The following RSPH4A variants were observed in gnomAD, a reference collection of about 807,000 sequenced individuals.
RSPH4A encodes radial spoke head component 4A.
In RSPH4A, 47 loss-of-function variants were observed where a neutral mutation model predicts 71.0. The observed-to-expected ratio is 0.66, with a 90% CI of 0.52 to 0.84. RSPH4A has a LOEUF of 0.84. Ranked by LOEUF, RSPH4A falls within the 40% of genes least tolerant of loss-of-function variation. The pLI, the probability that RSPH4A is intolerant of heterozygous loss-of-function variation, is 0.00. For synonymous variants in RSPH4A, 282 were observed against 302.3 expected (o/e 0.93, Z 0.70); for missense variants, 793 against 855.2 (o/e 0.93, Z 0.91).
chr6:116,624,253 G>T (rs768472052), intron 2 of RSPH4A, among the ~76,000 whole-genome samples: 6 of 152,164 alleles, frequency 3.9e-5, no homozygotes, highest in Non-Finnish European at 7.4e-5. Context: ...GTGTCAAGGA[G>T]TTGACATTAG....
At chr6:116,630,325 A>ATG in intron 4 of RSPH4A, 110 bp from the exon 5 acceptor site, 1 of 764,444 alleles carries the variant, frequency 1.3e-6, no homozygotes, top group Admixed American at 1.7e-5. Flanking sequence ...GTATGTGTGT[A>ATG]TCTGTGTGTG....
At position 116,616,739 on chromosome 6, in the gene RSPH4A, C is replaced by T. The variant is rs368110732; in HGVS notation, c.116C>T (p.Ser39Leu). The stretch of plus-strand genomic sequence containing the variant: ...TCTCCCCAATATTCTGAGCCTGAGT[C>T]GTCTGAGCCCTTGGAGGCGAAGCAG... ...AASPQYSEPE[S>L]SEPLEAKQGP... The change falls in exon 1 of 6, where the codon TCG becomes TTG. Residue 39 changes from serine to leucine, a missense_variant. Coordinates refer to ENST00000229554, the MANE Select transcript of RSPH4A (RefSeq NM_001010892.3). The T allele has an allele frequency of 1.1e-5, 17 of 1,613,608 alleles. No homozygotes were observed. The Admixed American group carries it at 2.8e-4, about 27-fold the overall frequency.
rs1248636409 is a variant in RSPH4A, at chr6:116,630,511, A to G, written c.1875A>G (p.Gln625=). ...CACAATATGCTATTGCAGTCCTTCA[A>G]TCCAACCTTTGGCCTGGAGCATATG... is the stretch of plus-strand genomic sequence containing the variant. ...LIPQYAIAVL[Q]SNLWPGAYAF... The change falls in exon 5 of 6, where the codon CAA becomes CAG. Residue 625 remains glutamine (Q), a synonymous_variant. Transcript: ENST00000229554. 6 of 1,610,094 alleles carry G rather than the reference A, an allele frequency of 3.7e-6. No individual in the cohort carries two copies. The African/African-American group carries it at 5.4e-5, about 14-fold the overall frequency.
intron 3 of RSPH4A, 104 bp downstream of exon 3, chr6:116,628,473 A>C: frequency 1.1e-6 from 1 of 886,468 alleles, no homozygotes; most frequent in East Asian, 2.4e-5. Flanking sequence ...TTTGGACTCT[A>C]TTTAATAGGC....
chr6:116,627,684 GA>G lies in RSPH4A; in HGVS notation c.978del (p.Val327LeufsTer38). 7 of 1,614,214 alleles carry G rather than the reference GA, an allele frequency of 4.3e-6. No individual in the cohort carries two copies. The highest frequency in any genetic ancestry group is 5.9e-6 in the Non-Finnish European group (7 of 1,180,044). ...MESAFYFEQA[G>X]VGLGTDETYR... ...TCAGCTTTTTATTTTGAACAAGCTGGAGTTGGTTTGGGCACAGATGAGACAT... is the reference window on the plus strand; with the variant it reads ...TCAGCTTTTTATTTTGAACAAGCTGGGTTGGTTTGGGCACAGATGAGACAT... On this transcript the variant is annotated frameshift_variant, in exon 3 of 6. Coordinates refer to ENST00000229554, the MANE Select transcript of RSPH4A (RefSeq NM_001010892.3). LOFTEE classifies it high-confidence loss of function.
intron 1 of RSPH4A, 110 bp downstream of exon 1, chr6:116,617,419 T>C: frequency 1.3e-6 from 1 of 779,038 alleles, no homozygotes; most frequent in East Asian, 2.5e-5. Context: ...TTTGAAAGAT[T>C]GTGTTAGTAA....
intron 1 of RSPH4A, among the ~76,000 whole-genome samples, chr6:116,617,905 C>T (rs1328384895): frequency 6.6e-6 from 1 of 152,196 alleles, no homozygotes; most frequent in Non-Finnish European, 1.5e-5. Context: ...CAATAGTCTA[C>T]ATATGTTCTG....
chr6:116,622,852 A>G lies in RSPH4A; in HGVS notation c.771A>G (p.Gln257=), dbSNP rs1562389892. 3.7e-6 allele frequency: 6 copies of G among 1,613,262 alleles called. No individual in the cohort carries two copies. The Middle Eastern group carries it at 5.0e-4, about 133-fold the overall frequency. Residue 257 remains glutamine (Q), a synonymous_variant, in exon 2 of 6, where the codon CAA becomes CAG. Transcript: ENST00000229554. Reference sequence around the variant, plus strand: ...TTGACATCTTTGAAAATATTAGCCAAGATGTGAAGATGGCACATTTTAGTA... The same window carrying G: ...TTGACATCTTTGAAAATATTAGCCAGGATGTGAAGATGGCACATTTTAGTA... The part of the protein sequence containing the change: ...NAVDIFENIS[Q]DVKMAHFSKK...
At position 116,617,093 on chromosome 6, in the gene RSPH4A, A is replaced by G. The variant is rs776466480; in HGVS notation, c.470A>G (p.Lys157Arg). ...GNTFQQSQQP[K>R]PHLCGRRDVS... is the part of the protein sequence containing the mutation. ...ACCTTTCAACAGTCTCAGCAACCCA[A>G]ACCCCACCTGTGTGGACGAAGGGAC... The change falls in exon 1 of 6, where the codon AAA becomes AGA. Residue 157 changes from lysine to arginine, a missense_variant. Transcript: ENST00000229554. 3 of 1,614,200 alleles carry G rather than the reference A, an allele frequency of 1.9e-6. No homozygotes were observed. The highest frequency in any genetic ancestry group is 2.5e-6 in the Non-Finnish European group (3 of 1,180,036).
chr6:116,619,586 G>C (rs1583347091), intron 1 of RSPH4A, among the ~76,000 whole-genome samples: 1 of 152,044 alleles, frequency 6.6e-6, no homozygotes, highest in Non-Finnish European at 1.5e-5. Flanking sequence ...CTACAATGTG[G>C]CAAATATTTG....
At chr6:116,619,140 C>T (rs1331497264) in intron 1 of RSPH4A, among the ~76,000 whole-genome samples, 2 of 152,112 alleles carry the variant, frequency 1.3e-5, no homozygotes, top group Non-Finnish European at 2.9e-5. Flanking sequence ...TCCCCTAAAC[C>T]TGTTCTCTTG....
rs748664881 is a variant in RSPH4A, at chr6:116,630,448, A to AC, written c.1818dup (p.Trp607LeufsTer36). On this transcript the variant is annotated frameshift_variant, in exon 5 of 6. Coordinates refer to ENST00000229554, the MANE Select transcript of RSPH4A (RefSeq NM_001010892.3). LOFTEE classifies it high-confidence loss of function. ...TTTGGGTTCCAGAGATTCAGAATATACCCCCCTGGACAACACGGTTATCCT... is the reference window on the plus strand; with the variant it reads ...TTTGGGTTCCAGAGATTCAGAATATACCCCCCCTGGACAACACGGTTATCCT... The AC allele has an allele frequency of 1.9e-6, 3 of 1,585,176 alleles. No homozygotes were observed. Among genetic ancestry groups the AC allele is most frequent in the Non-Finnish European group, 2.6e-6 (3 of 1,153,946 alleles).
Position 116,616,960 on chromosome 6 carries a change from A to G in RSPH4A, c.337A>G (p.Thr113Ala). ...DLAAPPQSDR[T>A]TSVIPEAGTP... ...CGCGGCACCACCTCAGTCGGACAGG[A>G]CCACGAGTGTGATTCCTGAAGCTGG... The change falls in exon 1 of 6, where the codon ACC (threonine) becomes GCC (alanine). Residue 113 changes from threonine (T) to alanine (A), a missense_variant. Transcript: ENST00000229554. 1.9e-6 allele frequency: 3 copies of G among 1,614,228 alleles called. No individual in the cohort carries two copies. The highest frequency in any genetic ancestry group is 3.3e-4 in the Middle Eastern group (2 of 6,062).
chr6:116,630,624 A>T (rs983558277), intron 5 of RSPH4A, 72 bp downstream of exon 5: 19 of 778,274 alleles, frequency 2.4e-5, no homozygotes, highest in Admixed American at 5.2e-5. Context: ...TAACCACTAG[A>T]ATGTTAAGCT....
In RSPH4A at chr6:116,632,322, A is replaced by G; in HGVS notation, c.2032A>G (p.Met678Val). Residue 678 changes from methionine (M) to valine (V), a missense_variant, in exon 6 of 6, where the codon ATG becomes GTG. Transcript: ENST00000229554. ...CCCCAGTGGACCAGAAATTACAGAAATGGATGATCCTAGTGTGGAGGAGGA... is the reference window on the plus strand; with the variant it reads ...CCCCAGTGGACCAGAAATTACAGAAGTGGATGATCCTAGTGTGGAGGAGGA... Reference protein sequence around the residue: ...EYPSGPEITEMDDPSVEEEQA... With the variant: ...EYPSGPEITEVDDPSVEEEQA... 6.2e-7 allele frequency: 1 copy of G among 1,613,996 alleles called. No individual in the cohort carries two copies.
chr6:116,627,601 AT>A (rs781003909), intron 2 of RSPH4A, 27 bp from the exon 3 acceptor site: 1 of 1,557,470 alleles, frequency 6.4e-7, no homozygotes, highest in East Asian at 2.2e-5. Flanking sequence ...TTATTGATAA[AT>A]TTTAACCACA....
chr6:116,616,890 GC>G lies in RSPH4A; in HGVS notation c.270del (p.Ser91LeufsTer26), dbSNP rs1201471213. On this transcript the variant is annotated frameshift_variant, in exon 1 of 6. Transcript: ENST00000229554. LOFTEE classifies it high-confidence loss of function. ...CACCTGCTCCTGTCTCTCCGCGGGA[GC>G]CCTCTTCCTCTCCTTCTCCCCTGGC... ...SSPAPVSPRE[P>X]SSSPSPLAPA... 1 of 1,614,188 alleles carries G rather than the reference GC, an allele frequency of 6.2e-7. No individual in the cohort carries two copies. The highest frequency in any genetic ancestry group is 8.5e-7 in the Non-Finnish European group (1 of 1,180,038).
At chr6:116,630,997 T>A (rs1252354524) in intron 5 of RSPH4A, among the ~76,000 whole-genome samples, 1 of 151,892 alleles carries the variant, frequency 6.6e-6, no homozygotes, top group Non-Finnish European at 1.5e-5. Context: ...GCTGCTACTA[T>A]CGTTTTAACT....
chr6:116,630,848 T>TTTG lies in RSPH4A; in HGVS notation c.1916+298_1916+299insGTT, dbSNP rs1491405315. ...CCACTATGCCCAGCTAATTTTTGTA[T>TTTG]TTTTTTTTTTTTTTTTTTTTTTAGT... On this transcript the variant is annotated intron_variant, in intron 5 of 5. Coordinates refer to ENST00000229554, the MANE Select transcript of RSPH4A (RefSeq NM_001010892.3). Among the ~76,000 whole-genome samples, 18 of 45,916 alleles carry TTTG rather than the reference T, an allele frequency of 3.9e-4. No individual in the cohort carries two copies. The East Asian group carries it at 7.1e-3, about 18-fold the overall frequency. The allele number at this position is 45,916 out of a possible 152,430, so 30.1% of individuals were successfully genotyped here. A position where few individuals can be genotyped will look rare whatever the true frequency, so the allele number is the denominator to read the frequency against.
Sources: gnomAD v4.1 joint callset for allele counts (sites outside exome capture counted in the v4.1 genomes callset) on GRCh38, gnomAD v4.1.1 for gene constraint, MANE v1.5 for transcripts, NCBI Gene and HGNC (gene_info 2026-07-23, HGNC 2026-07-21) for gene names.